The following DCAF12 variants were observed in gnomAD, a reference collection of about 807,000 sequenced individuals.
DCAF12 encodes the protein DDB1- and CUL4-associated factor 12.
Under a neutral mutation model 52.8 loss-of-function variants are expected in DCAF12, and 28 were observed. That is an observed-to-expected ratio of 0.53 (90% CI 0.39 to 0.73). DCAF12 has a LOEUF of 0.73. DCAF12 is among the 30% of genes least tolerant of loss of function. The pLI, the probability that DCAF12 is intolerant of heterozygous loss-of-function variation, is 0.00. For missense variants in DCAF12, 425 were observed against 552.2 expected, an observed-to-expected ratio of 0.77 and a Z score of 2.31; for synonymous variants, 196 against 215.5, an observed-to-expected ratio of 0.91 and a Z score of 0.79.
chr9:34,123,659 G>T (rs943222560), intron 2 of DCAF12, among the ~76,000 whole-genome samples: 1 of 152,054 alleles, frequency 6.6e-6, no homozygotes, highest in Non-Finnish European at 1.5e-5. Context: ...TATTATGCTC[G>T]CCTTCAAAAT....
chr9:34,095,757 C>T (rs1164297202), intron 6 of DCAF12: 1 of 152,070 alleles, frequency 6.6e-6, no homozygotes, highest in Admixed American at 6.6e-5. Flanking sequence ...TTCTCATTAC[C>T]TTACATGATT....
At chr9:34,090,549 A>G (rs1157670709) in intron 7 of DCAF12, among the ~76,000 whole-genome samples, 2 of 152,146 alleles carry the variant, frequency 1.3e-5, no homozygotes, top group South Asian at 2.1e-4. Flanking sequence ...TAAGAACTGG[A>G]TAATATTTGT....
Position 34,106,482 on chromosome 9 carries a change from C to T in DCAF12, c.553G>A (p.Asp185Asn), listed in dbSNP as rs1402337460. Residue 185 changes from aspartate to asparagine, a missense_variant, in exon 4 of 9, where the codon GAC becomes AAC. By Grantham distance (23) the Asp-to-Asn change is conservative. Transcript: ENST00000361264. ...ATCCATGCGATGGAAAAGATCCAGT[C>T]CTTGTGTCCATCCTTGGAGAGCAGG... ...PVCVGDDGHK[D>N]WIFSIAWISD... is the part of the protein sequence containing the mutation. The T allele has an allele frequency of 6.2e-7, 1 of 1,610,810 alleles. No homozygotes were observed. The highest frequency in any genetic ancestry group is 1.1e-5 in the South Asian group (1 of 90,504).
At chr9:34,116,101 C>G (rs750716816) in intron 2 of DCAF12, among the ~76,000 whole-genome samples, 1 of 152,156 alleles carries the variant, frequency 6.6e-6, no homozygotes, top group African/African-American at 2.4e-5. Flanking sequence ...CGGTGGCTCA[C>G]GCCTGTAATC....
chr9:34,107,060 T>C lies in DCAF12; in HGVS notation c.540+299A>G, dbSNP rs114436823. 5.3e-3 allele frequency among the ~76,000 whole-genome samples: 806 copies of C among 152,302 alleles called. 11 individuals carry two copies. The highest frequency in any genetic ancestry group is 0.018 in the African/African-American group (760 of 41,576). The stretch of plus-strand genomic sequence containing the variant: ...TTTATCTGTTCTGTTCACTGCTATG[T>C]CTCAAACAACGCCTAGCCATAGAAG... On this transcript the variant is annotated intron_variant, in intron 3 of 8. Coordinates refer to ENST00000361264, the MANE Select transcript of DCAF12 (RefSeq NM_015397.4).
At chr9:34,113,944 T>C (rs1031253253) in intron 2 of DCAF12, among the ~76,000 whole-genome samples, 7 of 151,892 alleles carry the variant, frequency 4.6e-5, no homozygotes, top group African/African-American at 1.7e-4. Flanking sequence ...CCGTCTCTAC[T>C]AAAAATACAA....
intron 2 of DCAF12, among the ~76,000 whole-genome samples, chr9:34,116,128 T>C (rs1034036828): frequency 6.6e-6 from 1 of 151,596 alleles, no homozygotes; most frequent in African/African-American, 2.4e-5. Context: ...CTTTGGGAGG[T>C]GGGCAGATCA....
At chr9:34,096,424 C>CTG (rs1828736455) in intron 6 of DCAF12, among the ~76,000 whole-genome samples, 1 of 151,994 alleles carries the variant, frequency 6.6e-6, no homozygotes, top group South Asian at 2.1e-4. Flanking sequence ...CATGGTGAGA[C>CTG]TGTGTTCCTA....
In DCAF12 at chr9:34,096,763, G is replaced by C. The variant is rs1361093633; in HGVS notation, c.814C>G (p.Leu272Val). Reference sequence around the variant, plus strand: ...TTCCAGAGATGAAAGTAGCCATCCAGAGACACTGCTCCCAGTTCCTACAAG... The same window carrying C: ...TTCCAGAGATGAAAGTAGCCATCCACAGACACTGCTCCCAGTTCCTACAAG... ...NKNKELGAVS[L>V]DGYFHLWKAE... is the part of the protein sequence containing the mutation. Residue 272 changes from leucine (L) to valine (V), a missense_variant, in exon 6 of 9, where the codon CTG becomes GTG. Physicochemically the swap from Leu to Val is conservative, Grantham distance 32. Transcript: ENST00000361264. 1 of 1,614,016 alleles carries C rather than the reference G, an allele frequency of 6.2e-7. No homozygotes were observed. Among genetic ancestry groups the C allele is most frequent in the African/African-American group, 1.3e-5 (1 of 75,036 alleles).
intron 2 of DCAF12, among the ~76,000 whole-genome samples, chr9:34,116,721 C>T (rs557914665): frequency 1.2e-4 from 19 of 152,240 alleles, no homozygotes; most frequent in African/African-American, 4.6e-4. Context: ...GTGGCTCACG[C>T]CTGTAATCCT....
In DCAF12 at chr9:34,107,383, C is replaced by T. The variant is rs775650096; in HGVS notation, c.516G>A (p.Thr172=). The stretch of plus-strand genomic sequence containing the variant: ...CATCTCCTACACACACAGGATCCAG[C>T]GTAGGTAGTCGATAGATGGCAAGAC... The part of the protein sequence containing the change: ...PNSLAIYRLP[T]LDPVCVGDDG... Residue 172 remains threonine, a synonymous_variant, in exon 3 of 9, where the codon ACG becomes ACA. Coordinates refer to ENST00000361264, the MANE Select transcript of DCAF12 (RefSeq NM_015397.4). 47 of 1,614,134 alleles carry T rather than the reference C, an allele frequency of 2.9e-5. No individual in the cohort carries two copies. In the East Asian group the frequency reaches 9.6e-4, roughly 33 times the overall value.
chr9:34,098,205 G>T (rs1405907542), intron 5 of DCAF12, 119 bp downstream of exon 5: 8 of 1,086,414 alleles, frequency 7.4e-6, no homozygotes, highest in Non-Finnish European at 1.1e-5. Context: ...TTTAAGAGGT[G>T]TTCTGTGGGC....
chr9:34,108,676 C>G (rs1404913319), intron 2 of DCAF12, among the ~76,000 whole-genome samples: 1 of 151,862 alleles, frequency 6.6e-6, no homozygotes, highest in South Asian at 2.1e-4. Context: ...ATCTCAGCTA[C>G]TCGGGAGGCT....
At chr9:34,116,748 A>T (rs1829093645) in intron 2 of DCAF12, among the ~76,000 whole-genome samples, 1 of 152,166 alleles carries the variant, frequency 6.6e-6, no homozygotes, top group Admixed American at 6.6e-5. Flanking sequence ...TGGGAGGCTG[A>T]GGGGGGCAGA....
intron 8 of DCAF12, 73 bp downstream of exon 8, chr9:34,089,339 G>T (rs1410348600): frequency 1.4e-6 from 2 of 1,453,204 alleles, no homozygotes; most frequent in Non-Finnish European, 1.9e-6. Context: ...GTGTGTCAGT[G>T]GGGGCTGAGA....
At position 34,108,517 on chromosome 9, in the gene DCAF12, C is replaced by A. The variant is rs149972662; in HGVS notation, c.334-952G>T. On this transcript the variant is annotated intron_variant, in intron 2 of 8. Transcript: ENST00000361264. ...AGTTTAAAATATAAAAAGGGCCGAG[C>A]GCAGTGGCTCACGCCTGTAATGCCA... Among the ~76,000 whole-genome samples the A allele has an allele frequency of 5.9e-3, 896 of 152,156 alleles. 8 individuals are homozygous for A. The highest frequency in any genetic ancestry group is 0.02 in the African/African-American group (814 of 41,522).
chr9:34,091,186 G>A (rs1828638040), intron 7 of DCAF12, among the ~76,000 whole-genome samples: 2 of 151,784 alleles, frequency 1.3e-5, no homozygotes, highest in African/African-American at 2.4e-5. Context: ...AATTAGCTGG[G>A]CATGGTGGTA....
At chr9:34,096,988 G>A (rs964749952) in intron 5 of DCAF12, among the ~76,000 whole-genome samples, 1 of 152,036 alleles carries the variant, frequency 6.6e-6, no homozygotes, top group Non-Finnish European at 1.5e-5. Flanking sequence ...AATAACACAG[G>A]CACCCATGGT....
At chr9:34,094,999 C>A (rs1828712962) in intron 6 of DCAF12, among the ~76,000 whole-genome samples, 1 of 152,138 alleles carries the variant, frequency 6.6e-6, no homozygotes. Flanking sequence ...GGTACACTGA[C>A]CTGTCAGAAA....
Sources: gnomAD v4.1 joint callset for allele counts (sites outside exome capture counted in the v4.1 genomes callset) on GRCh38, gnomAD v4.1.1 for gene constraint, MANE v1.5 for transcripts, NCBI Gene and HGNC (gene_info 2026-07-23, HGNC 2026-07-21) for gene names.